CASP9: variants seen among roughly 807,000 people sequenced by gnomAD.
CASP9 encodes caspase 9.
In CASP9, 29 loss-of-function variants were observed where a neutral mutation model predicts 43.5. The observed-to-expected ratio is 0.67, with a 90% CI of 0.50 to 0.91. The LOEUF (loss-of-function observed/expected upper bound fraction) is 0.91, where lower values mean the gene tolerates loss of function less well. CASP9 is among the 40% of genes least tolerant of loss of function. CASP9 has a pLI of 0.00. For missense variants in CASP9, 575 were observed against 537.4 expected (o/e 1.07, Z -0.69); for synonymous variants, 206 against 211.9 (o/e 0.97, Z 0.24).
chr1:15,499,054 T>C (rs1709223654), intron 6 of CASP9, among the ~76,000 whole-genome samples: 1 of 152,172 alleles, frequency 6.6e-6, no homozygotes, highest in African/African-American at 2.4e-5. Flanking sequence ...TTATTTCCAA[T>C]GGCGGCTGGA....
At chr1:15,505,057 A>G (rs1709467746) in intron 5 of CASP9, among the ~76,000 whole-genome samples, 1 of 152,198 alleles carries the variant, frequency 6.6e-6, no homozygotes, top group African/African-American at 2.4e-5. Flanking sequence ...AGCGGCATCA[A>G]TATCGCTTGG....
intron 7 of CASP9, 30 bp from the exon 8 acceptor site, chr1:15,494,031 G>T: frequency 6.4e-7 from 1 of 1,551,832 alleles, no homozygotes; most frequent in South Asian, 1.2e-5. Flanking sequence ...GAACACTGCT[G>T]GAGAGCCACC....
chr1:15,504,523 G>T (rs975630295), intron 6 of CASP9, 88 bp downstream of exon 6: 1 of 1,380,852 alleles, frequency 7.2e-7, no homozygotes, highest in African/African-American at 1.4e-5. Context: ...GACCTCATGG[G>T]CCCTGTGAGG....
chr1:15,524,470 G>C (rs1710367091), upstream of CASP9: 30 of 908,462 alleles, frequency 3.3e-5, no homozygotes, highest in Admixed American at 1.0e-4. Context: ...CGCCGCCCCA[G>C]AACACGCTCC....
chr1:15,523,507 G>A (rs1057121004), intron 1 of CASP9, among the ~76,000 whole-genome samples: 3 of 152,204 alleles, frequency 2.0e-5, no homozygotes, highest in Non-Finnish European at 4.4e-5. Flanking sequence ...CAACCATGAA[G>A]AATTCCTGAG....
intron 1 of CASP9, among the ~76,000 whole-genome samples, chr1:15,523,746 ACT>A (rs1378673346): frequency 6.6e-6 from 1 of 152,252 alleles, no homozygotes; most frequent in Non-Finnish European, 1.5e-5. Flanking sequence ...CCCAATAAAT[ACT>A]TGCCTCTGAC....
At chr1:15,495,919 G>C (rs1709090935) in intron 6 of CASP9, among the ~76,000 whole-genome samples, 1 of 152,136 alleles carries the variant, frequency 6.6e-6, no homozygotes, top group South Asian at 2.1e-4. Flanking sequence ...ACGTAAAAAT[G>C]CAAATTCACT....
At chr1:15,508,606 G>A (rs570714930) in intron 2 of CASP9, among the ~76,000 whole-genome samples, 4 of 151,944 alleles carry the variant, frequency 2.6e-5, no homozygotes, top group Non-Finnish European at 5.9e-5. Context: ...GTAGAGACGG[G>A]GTTTCACCAT....
Position 15,524,105 on chromosome 1 carries a change from G to C in CASP9, c.96C>G (p.Arg32=). ...VDQLWDALLS[R]ELFRPHMIED... The stretch of plus-strand genomic sequence containing the variant: ...CGATCATATGGGGCCTGAACAGCTC[G>C]CGGCTCAGCAGGGCGTCCCAGAGCT... Residue 32 remains arginine, a synonymous_variant, in exon 1 of 9, where the codon CGC becomes CGG. Coordinates refer to ENST00000333868, the MANE Select transcript of CASP9 (RefSeq NM_001229.5). 4 of 1,540,618 alleles carry C rather than the reference G, an allele frequency of 2.6e-6. No homozygotes were observed. Among genetic ancestry groups the C allele is most frequent in the Non-Finnish European group, 3.5e-6 (4 of 1,148,036 alleles).
intron 5 of CASP9, 35 bp downstream of exon 5, chr1:15,505,955 A>G: frequency 6.6e-7 from 1 of 1,524,718 alleles, no homozygotes; most frequent in Non-Finnish European, 9.1e-7. Context: ...GCCAGTACCC[A>G]ATGCCTGCCC....
chr1:15,493,019 G>A lies in CASP9; in HGVS notation c.1175C>T (p.Ser392Leu), dbSNP rs562212417. 2.5e-5 allele frequency: 40 copies of A among 1,613,914 alleles called. No homozygotes were observed. The highest frequency in any genetic ancestry group is 3.2e-5 in the Non-Finnish European group (38 of 1,180,034). Residue 392 changes from serine (S) to leucine (L), a missense_variant, in exon 9 of 9, where the codon TCG becomes TTG. Coordinates refer to ENST00000333868, the MANE Select transcript of CASP9 (RefSeq NM_001229.5). ...SLLLRVANAV[S>L]VKGIYKQMPG... Reference sequence around the variant, plus strand: ...CATCTGTTTATAAATCCCTTTCACCGAAACAGCATTAGCGACCTGTAAGAC... The same window carrying A: ...CATCTGTTTATAAATCCCTTTCACCAAAACAGCATTAGCGACCTGTAAGAC...
chr1:15,518,006 T>C, intron 2 of CASP9, 104 bp downstream of exon 2: 2 of 1,333,124 alleles, frequency 1.5e-6, no homozygotes, highest in Non-Finnish European at 2.1e-6. Context: ...AGAAAGACAA[T>C]GCTAAAATTA....
intron 2 of CASP9, among the ~76,000 whole-genome samples, chr1:15,517,762 G>A (rs1710007724): frequency 1.3e-5 from 2 of 151,986 alleles, no homozygotes; most frequent in Admixed American, 1.3e-4. Flanking sequence ...CCAGACATGA[G>A]GTAGTCCAGG....
chr1:15,499,945 A>T (rs993781550), intron 6 of CASP9, among the ~76,000 whole-genome samples: 1 of 152,142 alleles, frequency 6.6e-6, no homozygotes, highest in African/African-American at 2.4e-5. Flanking sequence ...CTTGGAAAAC[A>T]GAGAGGTCCT....
chr1:15,496,607 C>T (rs1435013713), intron 6 of CASP9, among the ~76,000 whole-genome samples: 1 of 152,098 alleles, frequency 6.6e-6, no homozygotes, highest in African/African-American at 2.4e-5. Flanking sequence ...TATACACTAA[C>T]AATGAACAAT....
At chr1:15,502,440 G>A (rs1340644290) in intron 6 of CASP9, among the ~76,000 whole-genome samples, 1 of 152,130 alleles carries the variant, frequency 6.6e-6, no homozygotes, top group Non-Finnish European at 1.5e-5. Flanking sequence ...GGGCAATATA[G>A]TGAGACCCCC....
rs761468706 is a variant in CASP9, at chr1:15,507,063, T to C, written c.466A>G (p.Ser156Gly). The C allele has an allele frequency of 2.5e-6, 4 of 1,614,076 alleles. No individual in the cohort carries two copies. The South Asian group carries it at 3.3e-5, about 13-fold the overall frequency. Residue 156 changes from serine to glycine, a missense_variant, in exon 4 of 9, where the codon AGC (serine) becomes GGC (glycine). Transcript: ENST00000333868. ...AGGCAGTGGCCACAGGGCTCCATGCTCAGGATGTAAGCCTGCCAGCACAGG... is the reference window on the plus strand; with the variant it reads ...AGGCAGTGGCCACAGGGCTCCATGCCCAGGATGTAAGCCTGCCAGCACAGG... Reference protein sequence around the residue: ...RGNADLAYILSMEPCGHCLII... With the variant: ...RGNADLAYILGMEPCGHCLII...
chr1:15,517,402 G>A (rs1363399816), intron 2 of CASP9, among the ~76,000 whole-genome samples: 7 of 152,080 alleles, frequency 4.6e-5, no homozygotes, highest in East Asian at 3.9e-4. Flanking sequence ...AGATGAGAAC[G>A]GTGATTACCT....
chr1:15,491,645 C>A lies in CASP9; in HGVS notation c.*1298G>T, dbSNP rs1352484597. 4.7e-5 allele frequency: 12 copies of A among 253,136 alleles called. No individual in the cohort carries two copies. The highest frequency in any genetic ancestry group is 2.6e-4 in the African/African-American group (12 of 45,292). 15.7% of individuals were successfully genotyped at this position (253,136 alleles called of 1,614,324 possible). A position where few individuals can be genotyped will look rare whatever the true frequency, so the allele number is the denominator to read the frequency against. On this transcript the variant is annotated 3_prime_UTR_variant, in exon 9 of 9. Coordinates refer to ENST00000333868, the MANE Select transcript of CASP9 (RefSeq NM_001229.5). Reference sequence around the variant, plus strand: ...AGGTGGTGCACACCTGTAGTCCAAGCTACTCAGGTGGCTGAGGTGGAAGGA... The same window carrying A: ...AGGTGGTGCACACCTGTAGTCCAAGATACTCAGGTGGCTGAGGTGGAAGGA...
Sources: gnomAD v4.1 joint callset for allele counts (sites outside exome capture counted in the v4.1 genomes callset) on GRCh38, gnomAD v4.1.1 for gene constraint, MANE v1.5 for transcripts, NCBI Gene and HGNC (gene_info 2026-07-23, HGNC 2026-07-21) for gene names.